GRIK2: variants seen among roughly 807,000 people sequenced by gnomAD.
The protein encoded by GRIK2 is glutamate ionotropic receptor kainate type subunit 2, also known as glutamate receptor ionotropic, kainate 2.
GRIK2 carries 32 observed loss-of-function variants against 100.3 expected under a neutral mutation model. The ratio of observed to expected loss-of-function variants is 0.32; its 90% CI spans 0.24 to 0.43. GRIK2 has a LOEUF of 0.43. Among genes scored for constraint, GRIK2 ranks in the 20% least tolerant of loss-of-function variants. GRIK2 has a pLI of 1.00. For missense variants in GRIK2, 843 were observed against 1,114.9 expected, an observed-to-expected ratio of 0.76 and a Z score of 3.47; for synonymous variants, 417 against 389.4, an observed-to-expected ratio of 1.07 and a Z score of -0.83.
rs559563987 is a variant in GRIK2, at chr6:102,041,474, TG to T, written c.2311+5909del. Among the ~76,000 whole-genome samples the T allele has an allele frequency of 5.1e-3, 769 of 151,702 alleles. 3 individuals carry two copies. The highest frequency in any genetic ancestry group is 0.01 in the Middle Eastern group (3 of 294). Reference sequence around the variant, plus strand: ...ATTAGAAAAAAGCTAGTCAAATGTTTGTTCTAAATACCAAACCCAAATGCTT... The same window carrying T: ...ATTAGAAAAAAGCTAGTCAAATGTTTTTCTAAATACCAAACCCAAATGCTT... On this transcript the variant is annotated intron_variant, in intron 15 of 16. Transcript: ENST00000369134.
chr6:101,906,356 AAAAC>A (rs1788219732), intron 12 of GRIK2, among the ~76,000 whole-genome samples: 1 of 26,664 alleles, frequency 3.8e-5, no homozygotes, highest in South Asian at 1.8e-3. Context: ...TCATAACTAT[AAAAC>A]AAGATCTGTG....
chr6:101,556,027 GTT>G (rs1776718043), intron 2 of GRIK2, among the ~76,000 whole-genome samples: 1 of 151,952 alleles, frequency 6.6e-6, no homozygotes, highest in African/African-American at 2.4e-5. Flanking sequence ...AATCTTTAAT[GTT>G]AACATTTTGT....
At chr6:101,904,443 ATG>A (rs1434097050) in intron 12 of GRIK2, among the ~76,000 whole-genome samples, 1 of 151,526 alleles carries the variant, frequency 6.6e-6, no homozygotes, top group Non-Finnish European at 1.5e-5. Flanking sequence ...CATACAATAA[ATG>A]TGTAAATTTA....
At position 101,399,226 on chromosome 6, in the gene GRIK2, C is replaced by T; in HGVS notation, c.-52C>T. On this transcript the variant is annotated 5_prime_UTR_variant, in exon 2 of 17. Coordinates refer to ENST00000369134, the MANE Select transcript of GRIK2 (RefSeq NM_021956.5). ...CCTCATTTCTACCCGAACCCAGGAG[C>T]CGAACGCTAGATCGGGGAAGTGGGT... 1.1e-6 allele frequency: 1 copy of T among 877,946 alleles called. No individual in the cohort carries two copies. Among genetic ancestry groups the T allele is most frequent in the Non-Finnish European group, 2.0e-6 (1 of 508,250 alleles). 54.4% of individuals were successfully genotyped at this position (877,946 alleles called of 1,614,324 possible). A position where few individuals can be genotyped will look rare whatever the true frequency, so the allele number is the denominator to read the frequency against.
chr6:101,624,243 A>C (rs1003983810), intron 3 of GRIK2, among the ~76,000 whole-genome samples: 8 of 152,046 alleles, frequency 5.3e-5, no homozygotes, highest in Admixed American at 5.2e-4. Flanking sequence ...TAAATAACTT[A>C]ATTCAGTGTT....
At chr6:101,812,354 T>C (rs1387266968) in intron 9 of GRIK2, among the ~76,000 whole-genome samples, 2 of 151,892 alleles carry the variant, frequency 1.3e-5, no homozygotes, top group Non-Finnish European at 2.9e-5. Flanking sequence ...ATTTAAAGAT[T>C]GATGAAATGT....
In GRIK2 at chr6:101,891,516, C is replaced by CAAAAAAAAA. The variant is rs5878701; in HGVS notation, c.1748+1666_1748+1674dup. 12 of 198,368 alleles carry CAAAAAAAAA rather than the reference C, an allele frequency of 6.0e-5. No individual in the cohort carries two copies. The African/African-American group carries it at 7.0e-4, about 12-fold the overall frequency. The allele number at this position is 198,368 out of a possible 1,614,324, so 12.3% of individuals were successfully genotyped here. The stretch of plus-strand genomic sequence containing the variant: ...TGGGAGATATAGCAGGACTCCATCT[C>CAAAAAAAAA]AAAAAAAAAAAAAAAAAAAAAGGTG... On this transcript the variant is annotated intron_variant, in intron 12 of 16. Coordinates refer to ENST00000369134, the MANE Select transcript of GRIK2 (RefSeq NM_021956.5).
intron 14 of GRIK2, among the ~76,000 whole-genome samples, chr6:101,977,186 T>G (rs183582440): frequency 7.9e-5 from 12 of 151,768 alleles, no homozygotes; most frequent in Admixed American, 7.2e-4. Flanking sequence ...AGAGAGGCTA[T>G]AATAGGAAAT....
At chr6:101,690,919 T>C (rs764842810) in intron 7 of GRIK2, among the ~76,000 whole-genome samples, 3 of 152,186 alleles carry the variant, frequency 2.0e-5, no homozygotes, top group Admixed American at 6.6e-5. Flanking sequence ...GGTCCTTTAT[T>C]TATGCACTTT....
intron 7 of GRIK2, among the ~76,000 whole-genome samples, chr6:101,788,879 CCTGA>C (rs1268882269): frequency 4.9e-4 from 74 of 152,212 alleles, no homozygotes; most frequent in Non-Finnish European, 1.5e-5. Flanking sequence ...CCTGTTGTTT[CCTGA>C]CTGTTTAATG....
At chr6:101,883,745 G>A (rs1786426054) in intron 11 of GRIK2, among the ~76,000 whole-genome samples, 2 of 152,106 alleles carry the variant, frequency 1.3e-5, no homozygotes, top group Admixed American at 6.6e-5. Flanking sequence ...CAGGGAGAGG[G>A]AATAGCAAGC....
intron 14 of GRIK2, among the ~76,000 whole-genome samples, chr6:101,944,783 AAG>A (rs1285912523): frequency 2.0e-5 from 3 of 152,100 alleles, no homozygotes; most frequent in African/African-American, 7.2e-5. Flanking sequence ...CATTTTTTTA[AAG>A]AGTCAATATA....
intron 16 of GRIK2, among the ~76,000 whole-genome samples, chr6:102,056,452 T>A (rs1189063604): frequency 2.0e-5 from 3 of 151,984 alleles, no homozygotes; most frequent in Non-Finnish European, 4.4e-5. Context: ...CAGTTTAAAG[T>A]CTTCTAGTAC....
chr6:101,760,634 A>G (rs191097142), intron 7 of GRIK2, among the ~76,000 whole-genome samples: 2,927 of 70,894 alleles, frequency 0.041, 402 homozygotes, highest in East Asian at 0.4. Context: ...GTTTAATTAT[A>G]TATAATTATA....
intron 7 of GRIK2, among the ~76,000 whole-genome samples, chr6:101,775,219 T>C (rs1202667987): frequency 6.6e-6 from 1 of 152,154 alleles, no homozygotes; most frequent in African/African-American, 2.4e-5. Flanking sequence ...ATCACTATTT[T>C]TTGGTAGCTT....
At chr6:101,675,461 G>A (rs565050221) in intron 4 of GRIK2, among the ~76,000 whole-genome samples, 35 of 152,262 alleles carry the variant, frequency 2.3e-4, no homozygotes, top group African/African-American at 8.2e-4. Context: ...GTATAGAGAT[G>A]AGATTTTTAA....
At chr6:101,814,996 G>T (rs1158250519) in intron 9 of GRIK2, among the ~76,000 whole-genome samples, 3 of 152,106 alleles carry the variant, frequency 2.0e-5, no homozygotes, top group African/African-American at 7.2e-5. Flanking sequence ...TATAGTTTAT[G>T]AAGTAGATAC....
chr6:102,004,668 C>A (rs1178058867), intron 14 of GRIK2, among the ~76,000 whole-genome samples: 1 of 151,882 alleles, frequency 6.6e-6, no homozygotes, highest in Admixed American at 6.6e-5. Flanking sequence ...ATCCTTCATT[C>A]CGTCTGCCCT....
chr6:101,634,019 A>C (rs1780891955), intron 4 of GRIK2, among the ~76,000 whole-genome samples: 2 of 152,052 alleles, frequency 1.3e-5, no homozygotes, highest in South Asian at 2.1e-4. Flanking sequence ...AAAAATCATT[A>C]TTTTAAGCAA....
Sources: allele counts gnomAD v4.1 joint callset (sites outside exome capture counted in the v4.1 genomes callset), GRCh38; gene constraint gnomAD v4.1.1; transcripts MANE v1.5; gene names NCBI Gene and HGNC (gene_info 2026-07-23, HGNC 2026-07-21).